The following LAPTM5 variants were observed in gnomAD, a reference collection of about 807,000 sequenced individuals.
LAPTM5 encodes lysosomal-associated transmembrane protein 5.
In LAPTM5, 11 loss-of-function variants were observed where a neutral mutation model predicts 30.1. That is an observed-to-expected ratio of 0.37 (90% CI 0.23 to 0.60). LAPTM5 has a LOEUF of 0.60. Among genes scored for constraint, LAPTM5 ranks in the 20% least tolerant of loss-of-function variants. The pLI is 0.71. For synonymous variants in LAPTM5, 151 were observed against 137.9 expected, an observed-to-expected ratio of 1.10 and a Z score of -0.67; for missense variants, 324 against 332.5, an observed-to-expected ratio of 0.97 and a Z score of 0.20.
chr1:30,745,108 C>A (rs978122228), intron 1 of LAPTM5, among the ~76,000 whole-genome samples: 1 of 152,178 alleles, frequency 6.6e-6, no homozygotes, highest in African/African-American at 2.4e-5. Context: ...TGCCCTGTAA[C>A]CCCTCCAATC....
Position 30,733,843 on chromosome 1 carries a change from T to TG in LAPTM5, c.773dup (p.Tyr259IlefsTer70). 1 of 1,608,346 alleles carries TG rather than the reference T, an allele frequency of 6.2e-7. No homozygotes were observed. On this transcript the variant is annotated frameshift_variant, in exon 8 of 8. Transcript: ENST00000294507. LOFTEE classifies it high-confidence loss of function. Reference sequence around the variant, plus strand: ...CTGGCGAGGGTCACACCTCTGAGTATGGGGGTGGTGCTGGGCCCCCCTCTG... The same window carrying TG: ...CTGGCGAGGGTCACACCTCTGAGTATGGGGGGTGGTGCTGGGCCCCCCTCTG...
intron 1 of LAPTM5, among the ~76,000 whole-genome samples, chr1:30,753,788 T>C (rs1385240673): frequency 6.6e-6 from 1 of 152,140 alleles, no homozygotes; most frequent in Non-Finnish European, 1.5e-5. Flanking sequence ...CGAATATTCA[T>C]TCACCCATTG....
Position 30,741,714 on chromosome 1 carries a change from C to G in LAPTM5, c.184G>C (p.Asp62His). Residue 62 changes from aspartate to histidine, a missense_variant and splice_region_variant, in exon 3 of 8, where the codon GAC becomes CAC. Coordinates refer to ENST00000294507, the MANE Select transcript of LAPTM5 (RefSeq NM_006762.3). ...LSQMGYLRIADLISSFLLITM... is the reference protein window; with the variant it reads ...LSQMGYLRIAHLISSFLLITM... ...ATGAGCAGGAAGCTGGAGATCAGGT[C>G]AGCTGAAAGGCAAGGAGAGCAGGGA... 1 of 1,605,108 alleles carries G rather than the reference C, an allele frequency of 6.2e-7. No individual in the cohort carries two copies. Among genetic ancestry groups the G allele is most frequent in the Non-Finnish European group, 8.5e-7 (1 of 1,175,662 alleles).
In LAPTM5 at chr1:30,739,788, A is replaced by C; in HGVS notation, c.387+21T>G. Reference sequence around the variant, plus strand: ...GACCTGGGCTCTGCTGTCCGGTGAGAGGTGGGGGCTGGGTACTCACAGCAC... The same window carrying C: ...GACCTGGGCTCTGCTGTCCGGTGAGCGGTGGGGGCTGGGTACTCACAGCAC... On this transcript the variant is annotated intron_variant, in intron 4 of 7. Transcript: ENST00000294507. This position sits in a 1 kb window ranked among gnomAD's most constrained non-coding sequence, Gnocchi z 4.2. 6.3e-7 allele frequency: 1 copy of C among 1,576,286 alleles called. No individual in the cohort carries two copies. The highest frequency in any genetic ancestry group is 1.7e-4 in the Middle Eastern group (1 of 5,780).
Position 30,735,195 on chromosome 1 carries a change from C to T in LAPTM5, c.677G>A (p.Arg226Lys), listed in dbSNP as rs35351292. ...CACCTTCTGGAGCATCTTGGAGTTTCTCTTCTCCTCCACCGAGTTCATGCA... is the reference window on the plus strand; with the variant it reads ...CACCTTCTGGAGCATCTTGGAGTTTTTCTTCTCCTCCACCGAGTTCATGCA... ...IKCMNSVEEKRNSKMLQKVVL... is the reference protein window; with the variant it reads ...IKCMNSVEEKKNSKMLQKVVL... Residue 226 changes from arginine to lysine, a missense_variant, in exon 7 of 8, where the codon AGA becomes AAA. Arg to Lys is a conservative substitution (Grantham distance 26). Transcript: ENST00000294507. 0.24 allele frequency: 379,790 copies of T among 1,612,690 alleles called. 48,304 individuals are homozygous for T. The highest frequency in any genetic ancestry group is 0.26 in the Non-Finnish European group (311,399 of 1,178,954).
Position 30,742,539 on chromosome 1 carries a change from A to T in LAPTM5, c.98T>A (p.Val33Asp). The part of the protein sequence containing the change: ...ALAIYHVIMS[V>D]LLFIEHSVEV... ...TACTGAGTGCTCGATGAACAACAAGACGCTCATGATCTGGAGGCAAAGCAA... is the reference window on the plus strand; with the variant it reads ...TACTGAGTGCTCGATGAACAACAAGTCGCTCATGATCTGGAGGCAAAGCAA... The change falls in exon 2 of 8, where the codon GTC (valine) becomes GAC (aspartate). Residue 33 changes from valine to aspartate, a missense_variant. Val to Asp is a radical substitution (Grantham distance 152, BLOSUM62 -3). Transcript: ENST00000294507. 6.2e-7 allele frequency: 1 copy of T among 1,613,298 alleles called. No homozygotes were observed. Among genetic ancestry groups the T allele is most frequent in the Non-Finnish European group, 8.5e-7 (1 of 1,179,824 alleles).
rs199971598 is a variant in LAPTM5 at position 30,741,724 on chromosome 1, G to A, written c.182-8C>T. 2,195 of 1,599,438 alleles carry A rather than the reference G, an allele frequency of 1.4e-3. 7 individuals carry two copies. The highest frequency in any genetic ancestry group is 6.3e-3 in the South Asian group (555 of 88,800). On this transcript the variant is annotated splice_region_variant and splice_polypyrimidine_tract_variant and intron_variant, in intron 2 of 7. Transcript: ENST00000294507. ...AGCTGGAGATCAGGTCAGCTGAAAGGCAAGGAGAGCAGGGAGGTGCTCAGG... is the reference window on the plus strand; with the variant it reads ...AGCTGGAGATCAGGTCAGCTGAAAGACAAGGAGAGCAGGGAGGTGCTCAGG...
chr1:30,755,429 C>T (rs1640196247), intron 1 of LAPTM5, among the ~76,000 whole-genome samples: 1 of 152,078 alleles, frequency 6.6e-6, no homozygotes, highest in South Asian at 2.1e-4. Context: ...ACCTCCTCCC[C>T]AAACTCCAGG....
At position 30,746,150 on chromosome 1, in the gene LAPTM5, G is replaced by A. The variant is rs575166768; in HGVS notation, c.88-3601C>T. On this transcript the variant is annotated intron_variant, in intron 1 of 7. Transcript: ENST00000294507. This position sits in a 1 kb window ranked among gnomAD's most constrained non-coding sequence, Gnocchi z 4.0. Reference sequence around the variant, plus strand: ...CTCACTGCTGTGTGGCCCTGGCCAGGTTCTGGCTTCTCCCTGGCCTCAGCT... The same window carrying A: ...CTCACTGCTGTGTGGCCCTGGCCAGATTCTGGCTTCTCCCTGGCCTCAGCT... The A allele has an allele frequency of 5.9e-5, 9 of 152,396 alleles. No individual in the cohort carries two copies. The highest frequency in any genetic ancestry group is 2.2e-4 in the African/African-American group (9 of 41,576). 9.4% of individuals were successfully genotyped at this position (152,396 alleles called of 1,614,324 possible).
At chr1:30,751,185 A>G (rs948542408) in intron 1 of LAPTM5, among the ~76,000 whole-genome samples, 4 of 152,248 alleles carry the variant, frequency 2.6e-5, no homozygotes, top group African/African-American at 9.6e-5. Context: ...CTGCTTTTAG[A>G]AGCTGGGGTT....
intron 1 of LAPTM5, among the ~76,000 whole-genome samples, chr1:30,750,903 G>A (rs545714335): frequency 1.3e-5 from 2 of 152,346 alleles, no homozygotes; most frequent in African/African-American, 2.4e-5. Context: ...CCCTGTGCAG[G>A]GCTGAGGCAG....
chr1:30,741,254 C>G (rs560027044), intron 3 of LAPTM5, among the ~76,000 whole-genome samples: 68 of 152,332 alleles, frequency 4.5e-4, no homozygotes, highest in African/African-American at 1.6e-3. Flanking sequence ...CGGCTCCTCT[C>G]ATCCATTACA....
chr1:30,751,668 G>C (rs1306308646), intron 1 of LAPTM5, among the ~76,000 whole-genome samples: 2 of 152,168 alleles, frequency 1.3e-5, no homozygotes, highest in Non-Finnish European at 2.9e-5. Context: ...GAACCCGGGA[G>C]GCAGAGGTTG....
Position 30,735,234 on chromosome 1 carries a change from T to C in LAPTM5, c.638A>G (p.Tyr213Cys), listed in dbSNP as rs772379976. ...VYMFKCVWRC[Y>C]RLIKCMNSVE... is the part of the protein sequence containing the mutation. ...CGAGTTCATGCACTTGATCAATCTG[T>C]AGCACCGCCACACGCACTTGAACAT... is the stretch of plus-strand genomic sequence containing the variant. Residue 213 changes from tyrosine to cysteine, a missense_variant, in exon 7 of 8, where the codon TAC (tyrosine) becomes TGC (cysteine). Tyr to Cys is a radical substitution (Grantham distance 194). Transcript: ENST00000294507. The C allele has an allele frequency of 1.9e-6, 3 of 1,614,104 alleles. No individual in the cohort carries two copies. The Admixed American group carries it at 5.0e-5, about 27-fold the overall frequency.
At chr1:30,745,681 C>T (rs1055428610) in intron 1 of LAPTM5, among the ~76,000 whole-genome samples, 1 of 152,146 alleles carries the variant, frequency 6.6e-6, no homozygotes, top group Non-Finnish European at 1.5e-5. Context: ...TGAGGGGCCC[C>T]GACCTTCCAC....
At chr1:30,738,817 A>C in intron 5 of LAPTM5, 123 bp downstream of exon 5, 2 of 1,096,788 alleles carry the variant, frequency 1.8e-6, no homozygotes, top group Admixed American at 2.6e-5. Context: ...CAGCACAAGA[A>C]TCTTCCTCCC....
intron 1 of LAPTM5, among the ~76,000 whole-genome samples, chr1:30,745,191 G>A (rs1402669235): frequency 6.6e-6 from 1 of 152,170 alleles, no homozygotes; most frequent in Non-Finnish European, 1.5e-5. Flanking sequence ...ACCCAGAAAA[G>A]GGACTATTCT....
chr1:30,741,407 C>T (rs1309333203), intron 3 of LAPTM5, among the ~76,000 whole-genome samples: 1 of 152,220 alleles, frequency 6.6e-6, no homozygotes, highest in Non-Finnish European at 1.5e-5. Flanking sequence ...CCAGCATAGC[C>T]CACCATGCCC....
Position 30,735,277 on chromosome 1 carries a change from C to A in LAPTM5, c.607-12G>T. On this transcript the variant is annotated splice_polypyrimidine_tract_variant and intron_variant, in intron 6 of 7. Coordinates refer to ENST00000294507, the MANE Select transcript of LAPTM5 (RefSeq NM_006762.3). ...TTGAACATGTAGACCTGGAAAAAGGCCCAGGTCAGGCTGTGCTTTGCTGAG... is the reference window on the plus strand; with the variant it reads ...TTGAACATGTAGACCTGGAAAAAGGACCAGGTCAGGCTGTGCTTTGCTGAG... 1.2e-6 allele frequency: 2 copies of A among 1,611,432 alleles called. No homozygotes were observed. The highest frequency in any genetic ancestry group is 1.7e-6 in the Non-Finnish European group (2 of 1,177,860).
Sources: allele counts gnomAD v4.1 joint callset (sites outside exome capture counted in the v4.1 genomes callset), GRCh38; gene constraint gnomAD v4.1.1; non-coding constraint Gnocchi (gnomAD v3.1); transcripts MANE v1.5; gene names NCBI Gene and HGNC (gene_info 2026-07-23, HGNC 2026-07-21).